Variants in QTMAN observed in about 807,000 individuals in gnomAD.
QTMAN encodes tRNA-queuosine alpha-mannosyltransferase.
At chr2:144,198,378 T>G in the QTMAN span, among the ~76,000 whole-genome samples, 3 of 152,332 alleles carry the variant, frequency 2.0e-5, no homozygotes, top group East Asian at 5.8e-4. Context: ...TTTGCTTCAT[T>G]AACAAGTCCA....
At chr2:143,978,921 G>T in the QTMAN span, among the ~76,000 whole-genome samples, 364 of 152,270 alleles carry the variant, frequency 2.4e-3, 3 homozygotes, top group Non-Finnish European at 1.9e-3. Context: ...CCTGAGAGCT[G>T]CCCCAGCAGT....
At chr2:144,118,264 T>C in the QTMAN span, among the ~76,000 whole-genome samples, 1 of 152,210 alleles carries the variant, frequency 6.6e-6, no homozygotes, top group Non-Finnish European at 1.5e-5. Flanking sequence ...TTTTCTCATC[T>C]GTCTTCAACT....
At chr2:144,293,797 A>G in the QTMAN span, among the ~76,000 whole-genome samples, 1 of 152,256 alleles carries the variant, frequency 6.6e-6, no homozygotes, top group Non-Finnish European at 1.5e-5. Context: ...TCTATGTACA[A>G]TAATAAAGAC....
the QTMAN span, among the ~76,000 whole-genome samples, chr2:144,119,120 G>C: frequency 6.6e-6 from 1 of 152,092 alleles, no homozygotes; most frequent in African/African-American, 2.4e-5. Flanking sequence ...TAGGAACTAT[G>C]GGTTAGGTTT....
the QTMAN span, among the ~76,000 whole-genome samples, chr2:144,164,620 C>G: frequency 6.6e-6 from 1 of 152,080 alleles, no homozygotes; most frequent in Non-Finnish European, 1.5e-5. Flanking sequence ...TACGCAATAA[C>G]CATTTTCCAG....
chr2:144,218,939 C>CAAAAAAAAAAAAAAAA, the QTMAN span, among the ~76,000 whole-genome samples: 11 of 104,234 alleles, frequency 1.1e-4, no homozygotes, highest in Admixed American at 9.2e-5. Context: ...AAAAAAAAAG[C>CAAAAAAAAAAAAAAAA]AAAATCCTAG....
At chr2:144,177,268 A>T in the QTMAN span, 2 of 648,750 alleles carry the variant, frequency 3.1e-6, no homozygotes, top group East Asian at 2.7e-5. Context: ...AAAAAAAAAC[A>T]TTGTTTTTGT....
the QTMAN span, among the ~76,000 whole-genome samples, chr2:144,131,722 C>T: frequency 6.6e-6 from 1 of 151,888 alleles, no homozygotes; most frequent in Admixed American, 6.6e-5. Context: ...TCTAACTCAC[C>T]TCCATTCCCT....
the QTMAN span, among the ~76,000 whole-genome samples, chr2:143,979,978 G>A: frequency 6.6e-6 from 1 of 152,004 alleles, no homozygotes; most frequent in East Asian, 1.9e-4. Flanking sequence ...TCCTCCTCTG[G>A]AACTAATCCA....
At chr2:144,171,880 C>T in the QTMAN span, among the ~76,000 whole-genome samples, 2 of 152,030 alleles carry the variant, frequency 1.3e-5, no homozygotes, top group African/African-American at 4.8e-5. Flanking sequence ...CACACATGTA[C>T]TTCAAAAAAA....
chr2:144,248,295 A>T, the QTMAN span, among the ~76,000 whole-genome samples: 2 of 152,248 alleles, frequency 1.3e-5, no homozygotes, highest in Non-Finnish European at 2.9e-5. Context: ...AAAAAATGAC[A>T]GGTCAAAAAC....
chr2:144,000,314 T>C, the QTMAN span, among the ~76,000 whole-genome samples: 1 of 152,090 alleles, frequency 6.6e-6, no homozygotes, highest in Non-Finnish European at 1.5e-5. Context: ...GAGAGCTTTT[T>C]GTTTTTTAAA....
chr2:144,069,686 G>A, the QTMAN span, among the ~76,000 whole-genome samples: 3 of 151,940 alleles, frequency 2.0e-5, no homozygotes, highest in East Asian at 3.9e-4. Context: ...AGATATTTGG[G>A]TACAGTACCT....
At chr2:144,317,180 C>T in the QTMAN span, among the ~76,000 whole-genome samples, 1 of 152,152 alleles carries the variant, frequency 6.6e-6, no homozygotes, top group East Asian at 1.9e-4. Context: ...ATACTCCACT[C>T]ATTTCCCAAT....
At chr2:144,044,450 G>T in the QTMAN span, among the ~76,000 whole-genome samples, 3 of 152,212 alleles carry the variant, frequency 2.0e-5, no homozygotes, top group African/African-American at 4.8e-5. Context: ...GGAGGGCCAT[G>T]CTTCCCCACA....
chr2:144,118,674 G>C, the QTMAN span, among the ~76,000 whole-genome samples: 1 of 152,110 alleles, frequency 6.6e-6, no homozygotes, highest in Non-Finnish European at 1.5e-5. Flanking sequence ...ACGAGGTCAC[G>C]AGATCAAGAC....
the QTMAN span, among the ~76,000 whole-genome samples, chr2:144,325,176 C>A: frequency 6.6e-6 from 1 of 152,190 alleles, no homozygotes; most frequent in Non-Finnish European, 1.5e-5. Context: ...TCTTTTATAA[C>A]CTGCTGTAAC....
At chr2:144,019,284 T>C in the QTMAN span, among the ~76,000 whole-genome samples, 1 of 152,138 alleles carries the variant, frequency 6.6e-6, no homozygotes, top group African/African-American at 2.4e-5. Flanking sequence ...AGGGAATTTA[T>C]TTAAAAGGCA....
At chr2:143,970,998 G>T in the QTMAN span, among the ~76,000 whole-genome samples, 1 of 152,038 alleles carries the variant, frequency 6.6e-6, no homozygotes, top group Non-Finnish European at 1.5e-5. Context: ...TTAAGGCTCT[G>T]CAGCCTTAAA....
Sources: gnomAD v4.1 joint callset for allele counts (sites outside exome capture counted in the v4.1 genomes callset) on GRCh38, gnomAD v4.1.1 for gene constraint, MANE v1.5 for transcripts, NCBI Gene and HGNC (gene_info 2026-07-23, HGNC 2026-07-21) for gene names.